The following ABCC9 variants were observed in gnomAD, a reference collection of about 807,000 sequenced individuals.
ABCC9 encodes the protein ATP binding cassette subfamily C member 9, also known as ATP-binding cassette sub-family C member 9.
A neutral mutation model predicts 188.3 loss-of-function variants in ABCC9; 95 were observed. That is an observed-to-expected ratio of 0.50 (90% CI 0.43 to 0.60). ABCC9 has a LOEUF of 0.60. ABCC9 is among the 20% of genes least tolerant of loss of function. ABCC9 has a pLI of 0.00. For synonymous variants in ABCC9, 659 were observed against 652.7 expected, an observed-to-expected ratio of 1.01 and a Z score of -0.15; for missense variants, 1,102 against 1,876.3, an observed-to-expected ratio of 0.59 and a Z score of 7.62.
intron 22 of ABCC9, among the ~76,000 whole-genome samples, chr12:21,855,638 A>G (rs1445803913): frequency 2.0e-5 from 3 of 152,218 alleles, no homozygotes; most frequent in Non-Finnish European, 1.5e-5. Flanking sequence ...CAATGTTTCA[A>G]ACTCAGTCAC....
rs558140581 is a variant in ABCC9 at position 21,882,273 on chromosome 12, G to C, written c.2019+493C>G. Reference sequence around the variant, plus strand: ...TTTTATCCCCAACTCTCGGTTGCCTGTTCTGCCTTAACTTAAGCACAATGC... The same window carrying C: ...TTTTATCCCCAACTCTCGGTTGCCTCTTCTGCCTTAACTTAAGCACAATGC... On this transcript the variant is annotated intron_variant, in intron 16 of 39. Coordinates refer to ENST00000261200, the MANE Select transcript of ABCC9 (RefSeq NM_020297.4). 1.9e-3 allele frequency among the ~76,000 whole-genome samples: 289 copies of C among 152,258 alleles called. 2 individuals are homozygous for C. Among genetic ancestry groups the C allele is most frequent in the African/African-American group, 6.6e-3 (275 of 41,534 alleles).
chr12:21,885,808 T>A (rs1043207911), intron 15 of ABCC9, among the ~76,000 whole-genome samples: 2 of 152,002 alleles, frequency 1.3e-5, no homozygotes, highest in African/African-American at 2.4e-5. Flanking sequence ...AACAAACACC[T>A]CCAGAACAAC....
intron 36 of ABCC9, 60 bp downstream of exon 36, chr12:21,811,989 T>G: frequency 8.0e-7 from 1 of 1,255,022 alleles, no homozygotes; most frequent in Non-Finnish European, 1.2e-6. Context: ...GAGTAAAACC[T>G]TTCTATGAGT....
chr12:21,843,687 T>G (rs777720263), intron 28 of ABCC9, among the ~76,000 whole-genome samples: 1 of 152,216 alleles, frequency 6.6e-6, no homozygotes, highest in Non-Finnish European at 1.5e-5. Context: ...TCATGTCATC[T>G]TCTAAATAAT....
chr12:21,806,373 T>A (rs1941846577), intron 38 of ABCC9, among the ~76,000 whole-genome samples: 1 of 152,176 alleles, frequency 6.6e-6, no homozygotes, highest in African/African-American at 2.4e-5. Flanking sequence ...ACAAAAAGTA[T>A]GTATTTGAAA....
chr12:21,899,749 A>G (rs943864081), intron 12 of ABCC9, among the ~76,000 whole-genome samples: 13 of 152,200 alleles, frequency 8.5e-5, no homozygotes, highest in Non-Finnish European at 1.6e-4. Context: ...GTAAGGTGGC[A>G]GCGAGGCTGG....
rs704183 is a variant in ABCC9 at position 21,852,576 on chromosome 12, A to G, written c.2506-71T>C. On this transcript the variant is annotated intron_variant, in intron 22 of 39. Transcript: ENST00000261200. Reference sequence around the variant, plus strand: ...TTACATAACTCAATTCCTCTCGAAAATAGTAATACAAATAACTAAGGGCAA... The same window carrying G: ...TTACATAACTCAATTCCTCTCGAAAGTAGTAATACAAATAACTAAGGGCAA... 1,568,117 of 1,569,696 alleles carry G rather than the reference A, an allele frequency of 1. 783,285 individuals carry two copies. The highest frequency in any genetic ancestry group is 1 in the East Asian group (44,610 of 44,610).
chr12:21,818,200 C>A lies in ABCC9; in HGVS notation c.3721G>T (p.Gly1241Trp). The stretch of plus-strand genomic sequence containing the variant: ...CCTACCAATCCAGAATTCGAAGACC[C>A]ACTAATGGATGCTATAGATGCAGTG... ...VLTASIASIS[G>W]SSNSGLVGLG... The change falls in exon 32 of 40, where the codon GGG becomes TGG. Residue 1241 changes from glycine (G) to tryptophan (W), a missense_variant. By Grantham distance (184) the Gly-to-Trp change is radical. Coordinates refer to ENST00000261200, the MANE Select transcript of ABCC9 (RefSeq NM_020297.4). The A allele has an allele frequency of 6.2e-7, 1 of 1,613,924 alleles. No homozygotes were observed. The highest frequency in any genetic ancestry group is 8.5e-7 in the Non-Finnish European group (1 of 1,179,910).
chr12:21,819,279 T>G (rs1235292193), intron 31 of ABCC9, among the ~76,000 whole-genome samples: 2 of 152,152 alleles, frequency 1.3e-5, no homozygotes, highest in African/African-American at 4.8e-5. Flanking sequence ...CTCATTCCAC[T>G]GATAAACTCC....
chr12:21,823,765 G>A (rs143649598), intron 31 of ABCC9, among the ~76,000 whole-genome samples: 678 of 152,312 alleles, frequency 4.5e-3, no homozygotes, highest in African/African-American at 0.015. Flanking sequence ...TGAACGAGAG[G>A]ACGCAAGCAG....
intron 5 of ABCC9, chr12:21,925,550 A>G (rs1288392988): frequency 1.4e-6 from 1 of 702,306 alleles, no homozygotes; most frequent in East Asian, 2.7e-5. Context: ...AGAGACAGAA[A>G]CACCTGGAAC....
intron 18 of ABCC9, 85 bp downstream of exon 18, chr12:21,872,540 T>C: frequency 1.8e-6 from 2 of 1,087,832 alleles, no homozygotes; most frequent in Non-Finnish European, 2.8e-6. Flanking sequence ...AGTCAGAACA[T>C]GTAAATGTAT....
chr12:21,915,225 A>ATGTGTG (rs377233626), intron 7 of ABCC9, among the ~76,000 whole-genome samples: 1,506 of 129,120 alleles, frequency 0.012, 37 homozygotes, highest in African/African-American at 0.043. Flanking sequence ...TTATATATAT[A>ATGTGTG]TGTGTGTGTG....
chr12:21,874,901 G>A (rs577906380), intron 17 of ABCC9, among the ~76,000 whole-genome samples: 1 of 152,308 alleles, frequency 6.6e-6, no homozygotes, highest in South Asian at 2.1e-4. Flanking sequence ...GGAGATGGGG[G>A]AAAGGGAAAA....
At chr12:21,877,276 C>T (rs1402284858) in intron 16 of ABCC9, among the ~76,000 whole-genome samples, 3 of 152,140 alleles carry the variant, frequency 2.0e-5, no homozygotes, top group Admixed American at 6.5e-5. Context: ...ACAACAGCAG[C>T]TCATAAAGAA....
intron 21 of ABCC9, among the ~76,000 whole-genome samples, chr12:21,860,730 C>T (rs1205141860): frequency 6.6e-6 from 1 of 152,128 alleles, no homozygotes; most frequent in Non-Finnish European, 1.5e-5. Context: ...TTTCACCTTT[C>T]TTTGAGAACT....
chr12:21,820,786 T>C (rs1270880301), intron 31 of ABCC9, among the ~76,000 whole-genome samples: 3 of 152,156 alleles, frequency 2.0e-5, no homozygotes, highest in South Asian at 2.1e-4. Flanking sequence ...CTTGGAAAAG[T>C]CTTCCTTTCT....
intron 5 of ABCC9, among the ~76,000 whole-genome samples, chr12:21,918,632 G>C (rs1039755106): frequency 2.6e-5 from 4 of 152,102 alleles, no homozygotes; most frequent in African/African-American, 9.7e-5. Context: ...TAGGATTCAG[G>C]ACTTTGAGCC....
rs1592213548 is a variant in ABCC9, at chr12:21,910,987, C to A, written c.1012-9G>T. ...GAGAGGGTTTCTGAAATCTGGTCCC[C>A]AAAGAAAAAAAGTGTCATATTAAAA... is the stretch of plus-strand genomic sequence containing the variant. On this transcript the variant is annotated splice_polypyrimidine_tract_variant and intron_variant, in intron 8 of 39. Coordinates refer to ENST00000261200, the MANE Select transcript of ABCC9 (RefSeq NM_020297.4). 3 of 1,608,992 alleles carry A rather than the reference C, an allele frequency of 1.9e-6. No homozygotes were observed. Among genetic ancestry groups the A allele is most frequent in the Non-Finnish European group, 2.5e-6 (3 of 1,177,478 alleles).
Sources: allele counts gnomAD v4.1 joint callset (sites outside exome capture counted in the v4.1 genomes callset), GRCh38; gene constraint gnomAD v4.1.1; transcripts MANE v1.5; gene names NCBI Gene and HGNC (gene_info 2026-07-23, HGNC 2026-07-21).